SGIP1: variants seen among roughly 807,000 people sequenced by gnomAD.
SGIP1 encodes SH3GL interacting endocytic adaptor 1.
In SGIP1, 38 loss-of-function variants were observed where a neutral mutation model predicts 107.5. The ratio of observed to expected loss-of-function variants is 0.35; its 90% CI spans 0.27 to 0.46. The LOEUF is 0.46. Ranked by LOEUF, SGIP1 falls within the 20% of genes least tolerant of loss-of-function variation. SGIP1 has a pLI of 1.00. For missense variants in SGIP1, 929 were observed against 1,019.5 expected (o/e 0.91, Z 1.21); for synonymous variants, 365 against 366.1 (o/e 1.00, Z 0.03).
intron 1 of SGIP1, among the ~76,000 whole-genome samples, chr1:66,559,921 G>A (rs1357958663): frequency 1.3e-5 from 2 of 151,908 alleles, no homozygotes; most frequent in East Asian, 3.9e-4. Context: ...AATATGCAGA[G>A]GAATGAATAT....
Position 66,748,288 on chromosome 1 carries a change from C to A in SGIP1, c.*5193C>A, listed in dbSNP as rs1254951735. On this transcript the variant is annotated 3_prime_UTR_variant, in exon 25 of 25. Coordinates refer to ENST00000371037, the MANE Select transcript of SGIP1 (RefSeq NM_032291.4). The stretch of plus-strand genomic sequence containing the variant: ...TGCTTAAGTCTCTAAATATTAAAAA[C>A]AACAACAAAACACTTGCCTTTCTCT... 3 of 151,906 alleles carry A rather than the reference C, an allele frequency of 2.0e-5. No homozygotes were observed. Among genetic ancestry groups the A allele is most frequent in the Admixed American group, 6.6e-5 (1 of 15,260 alleles). 9.4% of individuals were successfully genotyped at this position (151,906 alleles called of 1,614,324 possible).
At chr1:66,608,507 G>A (rs1352649042) in intron 1 of SGIP1, among the ~76,000 whole-genome samples, 1 of 152,056 alleles carries the variant, frequency 6.6e-6, no homozygotes, top group Non-Finnish European at 1.5e-5. Flanking sequence ...TTTTTACATT[G>A]ATCATTGTTT....
Position 66,670,903 on chromosome 1 carries a change from G to C in SGIP1, c.484-92G>C, listed in dbSNP as rs1571579621. On this transcript the variant is annotated intron_variant, in intron 9 of 24. Transcript: ENST00000371037. The stretch of plus-strand genomic sequence containing the variant: ...TTCATTTCCCTATCTGCATTTATTT[G>C]AGTTCAGTTTAATTGCAATGACAGA... The C allele has an allele frequency of 1.0e-5, 6 of 573,244 alleles. No individual in the cohort carries two copies. In the East Asian group the frequency reaches 1.9e-4, roughly 18 times the overall value. The allele number at this position is 573,244 out of a possible 1,614,324, so 35.5% of individuals were successfully genotyped here.
intron 2 of SGIP1, among the ~76,000 whole-genome samples, chr1:66,629,680 A>G (rs1479409667): frequency 6.6e-6 from 1 of 152,198 alleles, no homozygotes; most frequent in Non-Finnish European, 1.5e-5. Flanking sequence ...AGCAAATACA[A>G]TAAGTCTGCC....
At chr1:66,699,430 C>T (rs2091534465) in intron 18 of SGIP1, among the ~76,000 whole-genome samples, 1 of 152,120 alleles carries the variant, frequency 6.6e-6, no homozygotes, top group South Asian at 2.1e-4. Context: ...CCTCACTTCC[C>T]AGCATCATCC....
At chr1:66,700,448 A>G (rs1191371316) in intron 18 of SGIP1, among the ~76,000 whole-genome samples, 1 of 151,320 alleles carries the variant, frequency 6.6e-6, no homozygotes, top group Non-Finnish European at 1.5e-5. Context: ...ACCCTACTGT[A>G]CATACCTAAT....
At position 66,689,446 on chromosome 1, in the gene SGIP1, C is replaced by T. The variant is rs149371321; in HGVS notation, c.1443+171C>T. ...GTACATTTCAACCCTCCTCAAATTT[C>T]TACCATCTTTCAAGCCAAGGTCTAA... On this transcript the variant is annotated intron_variant, in intron 16 of 24. Coordinates refer to ENST00000371037, the MANE Select transcript of SGIP1 (RefSeq NM_032291.4). Among the ~76,000 whole-genome samples, 217 of 152,322 alleles carry T rather than the reference C, an allele frequency of 1.4e-3. 2 individuals are homozygous for T. The highest frequency in any genetic ancestry group is 5.0e-3 in the African/African-American group (207 of 41,562).
chr1:66,741,682 T>C (rs957550848), intron 24 of SGIP1, among the ~76,000 whole-genome samples: 1 of 152,178 alleles, frequency 6.6e-6, no homozygotes. Context: ...TCCCATTATA[T>C]AGATGTATAT....
intron 8 of SGIP1, among the ~76,000 whole-genome samples, chr1:66,662,472 G>T (rs10789212): frequency 6.6e-6 from 1 of 151,982 alleles, no homozygotes; most frequent in Non-Finnish European, 1.5e-5. Flanking sequence ...AGACTAAGGT[G>T]TCATAGTTAA....
rs907072110 is a variant in SGIP1, at chr1:66,736,018, T to A, written c.2031+2138T>A. 8.6e-5 allele frequency among the ~76,000 whole-genome samples: 13 copies of A among 150,806 alleles called. 1 individual carries two copies. The East Asian group carries it at 2.5e-3, about 29-fold the overall frequency. ...AGGACATCTCAAACTTGACTGTATT[T>A]CTCAATCAAATGCTGGTTCTGAATT... On this transcript the variant is annotated intron_variant, in intron 21 of 24. Transcript: ENST00000371037.
intron 1 of SGIP1, among the ~76,000 whole-genome samples, chr1:66,586,035 T>G (rs535761682): frequency 1.2e-4 from 19 of 152,346 alleles, no homozygotes; most frequent in Admixed American, 5.9e-4. Flanking sequence ...ATTCTGCAGC[T>G]CTATTGTTTA....
rs188312879 is a variant in SGIP1 at position 66,583,333 on chromosome 1, T to G, written c.11-42514T>G. 8.5e-5 allele frequency among the ~76,000 whole-genome samples: 13 copies of G among 152,202 alleles called. No homozygotes were observed. In the East Asian group the frequency reaches 2.5e-3, roughly 29 times the overall value. On this transcript the variant is annotated intron_variant, in intron 1 of 24. Transcript: ENST00000371037. ...ATGTTTGCACTGGAAAATTTTAAAG[T>G]GCTTATTATAAATTCAGATTCACCC...
Position 66,631,032 on chromosome 1 carries a change from GAAGGAAGA to G in SGIP1, c.75-2026_75-2019del, listed in dbSNP as rs1188674293. On this transcript the variant is annotated intron_variant, in intron 2 of 24. Transcript: ENST00000371037. Reference sequence around the variant, plus strand: ...AGGAAGGAAGGGAAAGGAAAGGAAGGAAGGAAGAAAGGAAGAAAGAAAGAAAGAAAGAA... The same window carrying G: ...AGGAAGGAAGGGAAAGGAAAGGAAGGAAGGAAGAAAGAAAGAAAGAAAGAA... 4.0e-3 allele frequency among the ~76,000 whole-genome samples: 446 copies of G among 110,680 alleles called. 6 individuals carry two copies. Among genetic ancestry groups the G allele is most frequent in the African/African-American group, 0.015 (417 of 28,184 alleles). 72.6% of individuals were successfully genotyped at this position (110,680 alleles called of 152,430 possible).
Position 66,669,372 on chromosome 1 carries a change from A to G in SGIP1, c.484-1623A>G, listed in dbSNP as rs1297524251. Among the ~76,000 whole-genome samples the G allele has an allele frequency of 5.3e-5, 8 of 152,310 alleles. No homozygotes were observed. In the East Asian group the frequency reaches 1.5e-3, roughly 29 times the overall value. ...GGACAGAGGGACAAAAAGGTCTTCA[A>G]TACAACCTCTGGGACCTCCTGGCTT... On this transcript the variant is annotated intron_variant, in intron 9 of 24. Coordinates refer to ENST00000371037, the MANE Select transcript of SGIP1 (RefSeq NM_032291.4).
intron 1 of SGIP1, among the ~76,000 whole-genome samples, chr1:66,588,717 C>G (rs2063084537): frequency 7.4e-6 from 1 of 134,510 alleles, no homozygotes; most frequent in Admixed American, 8.0e-5. Flanking sequence ...GTGCAGTTAA[C>G]TTTCACGGTG....
chr1:66,715,530 C>A (rs2093187603), intron 18 of SGIP1, among the ~76,000 whole-genome samples: 1 of 151,932 alleles, frequency 6.6e-6, no homozygotes, highest in Admixed American at 6.6e-5. Flanking sequence ...CACAGATGGC[C>A]TTGTGTATCA....
intron 9 of SGIP1, among the ~76,000 whole-genome samples, chr1:66,668,214 C>T (rs982318265): frequency 5.9e-5 from 9 of 151,626 alleles, no homozygotes; most frequent in Non-Finnish European, 8.8e-5. Flanking sequence ...TTTTCTGTGA[C>T]GGATCTCGCT....
intron 18 of SGIP1, among the ~76,000 whole-genome samples, chr1:66,715,083 C>T (rs1403855489): frequency 6.6e-6 from 1 of 152,010 alleles, no homozygotes; most frequent in Non-Finnish European, 1.5e-5. Context: ...GGTCATTCTA[C>T]TTTGTAGGAA....
chr1:66,740,510 G>GGA (rs1397869238), intron 22 of SGIP1, 148 bp from the exon 23 acceptor site: 8 of 646,592 alleles, frequency 1.2e-5, no homozygotes, highest in East Asian at 5.6e-5. Flanking sequence ...GTCTGGGAGG[G>GGA]GAGAGAGAGA....
Sources: gnomAD v4.1 joint callset for allele counts (sites outside exome capture counted in the v4.1 genomes callset) on GRCh38, gnomAD v4.1.1 for gene constraint, MANE v1.5 for transcripts, NCBI Gene and HGNC (gene_info 2026-07-23, HGNC 2026-07-21) for gene names.